Variants in ZFP64 observed in about 807,000 individuals in gnomAD.
The protein encoded by ZFP64 is ZFP64 zinc finger protein.
A neutral mutation model predicts 51.6 loss-of-function variants in ZFP64; 14 were observed. The ratio of observed to expected loss-of-function variants is 0.27; its 90% CI spans 0.18 to 0.42. The LOEUF (loss-of-function observed/expected upper bound fraction) is 0.42, where lower values mean the gene tolerates loss of function less well. ZFP64 is among the 10% of genes least tolerant of loss of function. The pLI is 1.00. For synonymous variants in ZFP64, 375 were observed against 361.4 expected (o/e 1.04, Z -0.43); for missense variants, 754 against 906.8 (o/e 0.83, Z 2.16).
intron 7 of ZFP64, chr20:52,088,674 G>GT (rs2078889885): frequency 6.2e-7 from 1 of 1,612,080 alleles, no homozygotes; most frequent in Non-Finnish European, 8.5e-7. Context: ...AAAGTTAAAG[G>GT]TTTTTTGGTC....
chr20:52,179,783 T>C (rs1445542960), intron 2 of ZFP64, among the ~76,000 whole-genome samples: 2 of 152,200 alleles, frequency 1.3e-5, no homozygotes, highest in Non-Finnish European at 2.9e-5. Flanking sequence ...TATTTTAGGT[T>C]TGGGCTCATG....
chr20:52,097,012 AG>A, intron 7 of ZFP64: 1 of 600,304 alleles, frequency 1.7e-6, no homozygotes, highest in Non-Finnish European at 3.3e-6. Context: ...GCATGCCAAC[AG>A]GCTGAGTTGC....
At position 52,085,394 on chromosome 20, in the gene ZFP64, A is replaced by G; in HGVS notation, c.1229-128T>C. The G allele has an allele frequency of 3.1e-6, 3 of 961,770 alleles. No homozygotes were observed. The highest frequency in any genetic ancestry group is 3.0e-6 in the Non-Finnish European group (2 of 659,344). 59.6% of individuals were successfully genotyped at this position (961,770 alleles called of 1,614,324 possible). A position where few individuals can be genotyped will look rare whatever the true frequency, so the allele number is the denominator to read the frequency against. On this transcript the variant is annotated intron_variant, in intron 8 of 8. Transcript: ENST00000361387. The surrounding 1 kb of genome is among the most constrained non-coding windows in gnomAD (Gnocchi z 4.3). ...TGTGAACTCTAAACCCAACCTCCTA[A>G]TGACAACACTTGTTGTGCATATTAA...
At chr20:52,105,128 T>C in intron 5 of ZFP64, 1 of 1,419,546 alleles carries the variant, frequency 7.0e-7, no homozygotes, top group South Asian at 1.6e-5. Context: ...GCGGCGCTAC[T>C]CACCCGGCTC....
At chr20:52,088,987 G>A (rs1200256285) in intron 7 of ZFP64, 1 of 532,636 alleles carries the variant, frequency 1.9e-6, no homozygotes, top group Non-Finnish European at 3.7e-6. Flanking sequence ...CATGGAGAAT[G>A]GTCAGGTGGA....
At chr20:52,098,792 A>C (rs967203529) in intron 5 of ZFP64, among the ~76,000 whole-genome samples, 1 of 151,966 alleles carries the variant, frequency 6.6e-6, no homozygotes, top group African/African-American at 2.4e-5. Context: ...GCACGAGTTC[A>C]GGAGTTCGAG....
At chr20:52,093,665 C>T (rs918359117) in intron 7 of ZFP64, among the ~76,000 whole-genome samples, 7 of 152,230 alleles carry the variant, frequency 4.6e-5, no homozygotes, top group Non-Finnish European at 1.0e-4. Context: ...TCCAAGTTAT[C>T]ACTTATGCTC....
chr20:52,091,410 A>C (rs2078925293), intron 7 of ZFP64, among the ~76,000 whole-genome samples: 1 of 152,216 alleles, frequency 6.6e-6, no homozygotes, highest in Non-Finnish European at 1.5e-5. Flanking sequence ...TACCTAAATC[A>C]AAGTGATAGG....
chr20:52,183,593 T>C (rs1038966703), intron 2 of ZFP64, among the ~76,000 whole-genome samples: 1 of 152,090 alleles, frequency 6.6e-6, no homozygotes, highest in Non-Finnish European at 1.5e-5. Flanking sequence ...CTTTTAAGGG[T>C]TTTCTGGTTT....
At chr20:52,110,120 T>G (rs1315581207) in intron 5 of ZFP64, among the ~76,000 whole-genome samples, 1 of 152,108 alleles carries the variant, frequency 6.6e-6, no homozygotes. Flanking sequence ...GAGGGGTCAT[T>G]TCACCAGCCA....
intron 1 of ZFP64, among the ~76,000 whole-genome samples, chr20:52,187,966 C>T (rs959475427): frequency 6.6e-6 from 1 of 152,316 alleles, no homozygotes; most frequent in Admixed American, 6.5e-5. Flanking sequence ...TCTAAATAAT[C>T]TTGGTCCTCT....
rs1245728756 is a variant in ZFP64, at chr20:52,153,065, C to T, written c.1127G>A (p.Cys376Tyr). 2.5e-6 allele frequency: 4 copies of T among 1,614,082 alleles called. No homozygotes were observed. Among genetic ancestry groups the T allele is most frequent in the Non-Finnish European group, 3.4e-6 (4 of 1,180,062 alleles). ...GCTGGGCTGTTTGGTGTCGAAGCTG[C>T]AGTAGTTGCACTTGAAAGGGCGGTC... is the stretch of plus-strand genomic sequence containing the variant. ...CTDRPFKCNY[C>Y]SFDTKQPSNL... Residue 376 changes from cysteine (C) to tyrosine (Y), a missense_variant, in exon 6 of 6, where the codon TGC becomes TAC. Cys to Tyr is a radical substitution (Grantham distance 194). Around this residue, in one of 3 missense-constraint regions of ZFP64, gnomAD observed 428 missense variants for 472.4 expected, o/e 0.91. Transcript: ENST00000216923. The surrounding 1 kb of genome is among the most constrained non-coding windows in gnomAD (Gnocchi z 5.1).
intron 2 of ZFP64, among the ~76,000 whole-genome samples, chr20:52,181,265 C>T (rs1001995940): frequency 2.0e-5 from 3 of 152,104 alleles, no homozygotes; most frequent in African/African-American, 7.2e-5. Flanking sequence ...TTTTTATCCT[C>T]ACTTTGAAAT....
intron 3 of ZFP64, chr20:52,165,217 G>C (rs1314315964): frequency 2.2e-6 from 1 of 456,630 alleles, no homozygotes; most frequent in African/African-American, 2.0e-5. Context: ...ATCTGACTAA[G>C]GTCAGTAGGT....
chr20:52,096,305 T>G (rs1281493568), intron 7 of ZFP64, among the ~76,000 whole-genome samples: 1 of 152,206 alleles, frequency 6.6e-6, no homozygotes, highest in Non-Finnish European at 1.5e-5. Context: ...AAGGGAGGCA[T>G]GCCATGGGCT....
At chr20:52,166,200 G>A (rs1049045921) in intron 2 of ZFP64, among the ~76,000 whole-genome samples, 175 bp from the exon 3 acceptor site, 5 of 151,122 alleles carry the variant, frequency 3.3e-5, no homozygotes, top group Admixed American at 1.3e-4. Context: ...GAGAGCATCC[G>A]CTGGGAGACT....
In ZFP64 at chr20:52,187,008, T is replaced by C. The variant is rs1485670308; in HGVS notation, c.110A>G (p.Lys37Arg). 1.2e-6 allele frequency: 2 copies of C among 1,613,922 alleles called. No individual in the cohort carries two copies. Among genetic ancestry groups the C allele is most frequent in the Non-Finnish European group, 8.5e-7 (1 of 1,179,806 alleles). The change falls in exon 2 of 6, where the codon AAG (lysine) becomes AGG (arginine). Residue 37 changes from lysine to arginine, a missense_variant. By Grantham distance (26) the Lys-to-Arg change is conservative (BLOSUM62 2). This residue lies in a region of ZFP64 where 95 missense variants were observed against 97.7 expected (regional missense o/e 0.97). Coordinates refer to ENST00000216923, the MANE Select transcript of ZFP64 (RefSeq NM_018197.3). Reference sequence around the variant, plus strand: ...GGCATCCAGGTTGTTAAACTGCTGCTTGCAGATGCCGCAGATATGGATGTC... The same window carrying C: ...GGCATCCAGGTTGTTAAACTGCTGCCTGCAGATGCCGCAGATATGGATGTC... Reference protein sequence around the residue: ...TPDIHICGICKQQFNNLDAFV... With the variant: ...TPDIHICGICRQQFNNLDAFV...
chr20:52,099,653 A>G (rs934956723), intron 5 of ZFP64, among the ~76,000 whole-genome samples: 2 of 152,228 alleles, frequency 1.3e-5, no homozygotes, highest in Non-Finnish European at 2.9e-5. Context: ...CCCATAGTCT[A>G]AGGATGAATG....
chr20:52,152,914 G>C lies in ZFP64; in HGVS notation c.1278C>G (p.His426Gln). Residue 426 changes from histidine to glutamine, a missense_variant, in exon 6 of 6, where the codon CAC becomes CAG. By Grantham distance (24) the His-to-Gln change is conservative. Around this residue, in one of 3 missense-constraint regions of ZFP64, gnomAD observed 428 missense variants for 472.4 expected, o/e 0.91. Transcript: ENST00000216923. Reference sequence around the variant, plus strand: ...TGAAGGAGGCATCGCATATATCGCAGTGGAAACTCTTCTTGGCATCCAGCT... The same window carrying C: ...TGAAGGAGGCATCGCATATATCGCACTGGAAACTCTTCTTGGCATCCAGCT... ...VAKLDAKKSF[H>Q]CDICDASFMR... is the part of the protein sequence containing the mutation. The C allele has an allele frequency of 1.2e-6, 2 of 1,613,922 alleles. No homozygotes were observed. Among genetic ancestry groups the C allele is most frequent in the Non-Finnish European group, 1.7e-6 (2 of 1,180,036 alleles).
Sources: allele counts gnomAD v4.1 joint callset (sites outside exome capture counted in the v4.1 genomes callset), GRCh38; gene constraint gnomAD v4.1.1; regional missense constraint gnomAD v4.1.1; non-coding constraint Gnocchi (gnomAD v3.1); transcripts MANE v1.5; gene names NCBI Gene and HGNC (gene_info 2026-07-23, HGNC 2026-07-21).